The following CLDN14 variants were observed in gnomAD, a reference collection of about 807,000 sequenced individuals.
CLDN14 encodes claudin-14.
CLDN14 carries 2 observed loss-of-function variants against 2.1 expected under a neutral mutation model. The observed-to-expected ratio is 0.96, with a 90% CI of 0.39 to 3.01. The LOEUF (loss-of-function observed/expected upper bound fraction) is 3.01, where lower values mean the gene tolerates loss of function less well. Among genes scored for constraint, CLDN14 ranks in the 30% most tolerant of loss-of-function variants. The pLI is 0.09. For synonymous variants in CLDN14, 136 were observed against 154.4 expected (o/e 0.88, Z 0.88); for missense variants, 298 against 328.0 (o/e 0.91, Z 0.71).
chr21:36,516,566 T>G (rs2087230429), intron 1 of CLDN14, among the ~76,000 whole-genome samples: 1 of 152,238 alleles, frequency 6.6e-6, no homozygotes, highest in Admixed American at 6.5e-5. Flanking sequence ...AATCTGAACT[T>G]GTGAAATAAA....
chr21:36,521,658 T>A (rs753176643), intron 1 of CLDN14, among the ~76,000 whole-genome samples: 14 of 152,150 alleles, frequency 9.2e-5, no homozygotes, highest in Non-Finnish European at 1.9e-4. Flanking sequence ...GTCTTGGGAA[T>A]GACAGAGTGA....
chr21:36,537,806 CG>C (rs890405910), intron 1 of CLDN14, among the ~76,000 whole-genome samples: 5 of 152,038 alleles, frequency 3.3e-5, no homozygotes, highest in Admixed American at 1.3e-4. Flanking sequence ...CGTGCCTCCA[CG>C]CCTGACTAAT....
chr21:36,486,378 G>A, intron 2 of CLDN14: 1 of 967,006 alleles, frequency 1.0e-6, no homozygotes, highest in Non-Finnish European at 1.7e-6. Context: ...CTCAGCAGCA[G>A]AGGCTGCAGC....
intron 1 of CLDN14, chr21:36,510,598 G>T (rs2087177496): frequency 6.6e-6 from 1 of 152,288 alleles, no homozygotes; most frequent in African/African-American, 2.4e-5. Context: ...GGCCCTGCCT[G>T]TGCCTGTTTC....
At chr21:36,571,648 C>T (rs781005035) in intron 1 of CLDN14, among the ~76,000 whole-genome samples, 6 of 152,114 alleles carry the variant, frequency 3.9e-5, no homozygotes, top group Non-Finnish European at 4.4e-5. Flanking sequence ...TTCAAACCCA[C>T]CCATAAACTG....
rs2087503670 is a variant in CLDN14 at position 36,543,151 on chromosome 21, G to A, written c.-219-32651C>T. 3.3e-5 allele frequency among the ~76,000 whole-genome samples: 5 copies of A among 152,316 alleles called. No homozygotes were observed. The Middle Eastern group carries it at 0.014, about 414-fold the overall frequency. ...GAGGGACTCAACTGCTGGGGCAGGG[G>A]CTGCCCTCTGGGGTAGAGGGACCCC... On this transcript the variant is annotated intron_variant, in intron 1 of 2. Coordinates refer to the CLDN14 transcript ENST00000342108.
At chr21:36,503,333 C>T (rs957465635) in intron 2 of CLDN14, among the ~76,000 whole-genome samples, 3 of 152,206 alleles carry the variant, frequency 2.0e-5, no homozygotes, top group African/African-American at 7.2e-5. Flanking sequence ...GGATTACAGG[C>T]ATGAGCCACT....
At chr21:36,530,111 G>T (rs2087367683) in intron 1 of CLDN14, among the ~76,000 whole-genome samples, 1 of 152,192 alleles carries the variant, frequency 6.6e-6, no homozygotes, top group African/African-American at 2.4e-5. Context: ...GCCGGGAAGG[G>T]ATGTGGATAT....
At position 36,461,745 on chromosome 21, in the gene CLDN14, G is replaced by T; in HGVS notation, c.-50C>A. ...CCGGGCAGCTCCCTGGGCCCTCGGGGTCACGCCGCTCCTCAGGTGCCAGCC... is the reference window on the plus strand; with the variant it reads ...CCGGGCAGCTCCCTGGGCCCTCGGGTTCACGCCGCTCCTCAGGTGCCAGCC... On this transcript the variant is annotated 5_prime_UTR_variant, in exon 2 of 2. Transcript: ENST00000399135. 3.9e-6 allele frequency: 6 copies of T among 1,538,916 alleles called. No homozygotes were observed. The African/African-American group carries it at 6.8e-5, about 18-fold the overall frequency.
At chr21:36,547,529 C>CG (rs891050169) in intron 1 of CLDN14, among the ~76,000 whole-genome samples, 1 of 152,174 alleles carries the variant, frequency 6.6e-6, no homozygotes, top group African/African-American at 2.4e-5. Flanking sequence ...CAGCAGCGCC[C>CG]GGGCCATTAA....
At chr21:36,485,832 G>T (rs1247758903) in intron 2 of CLDN14, 5 of 475,714 alleles carry the variant, frequency 1.1e-5, no homozygotes, top group African/African-American at 7.9e-5. Context: ...AAACCTGATG[G>T]GAAATGAGAG....
chr21:36,553,261 GA>G (rs1355300346), intron 1 of CLDN14, among the ~76,000 whole-genome samples: 1 of 152,142 alleles, frequency 6.6e-6, no homozygotes, highest in Non-Finnish European at 1.5e-5. Flanking sequence ...GCCTTCAGTG[GA>G]CCCTTGGTTT....
intron 1 of CLDN14, among the ~76,000 whole-genome samples, chr21:36,543,444 T>C (rs529256607): frequency 6.6e-5 from 10 of 152,308 alleles, no homozygotes; most frequent in Admixed American, 5.9e-4. Context: ...AAGAGAGTGA[T>C]AGGGAAGTTT....
chr21:36,515,863 T>G (rs2087225394), intron 1 of CLDN14, among the ~76,000 whole-genome samples: 1 of 147,794 alleles, frequency 6.8e-6, no homozygotes, highest in Non-Finnish European at 1.5e-5. Context: ...CTTGGCTCAC[T>G]GCAACCTCCG....
intron 1 of CLDN14, among the ~76,000 whole-genome samples, chr21:36,519,546 C>T (rs2075232651): frequency 6.6e-6 from 1 of 152,118 alleles, no homozygotes; most frequent in Non-Finnish European, 1.5e-5. Context: ...CTCATCTCTA[C>T]TAAAAATACA....
intron 1 of CLDN14, among the ~76,000 whole-genome samples, chr21:36,570,342 C>T (rs917641350): frequency 3.9e-5 from 6 of 152,162 alleles, no homozygotes; most frequent in Non-Finnish European, 8.8e-5. Context: ...TAATGCTGGT[C>T]AGCTTTTCCT....
At chr21:36,486,915 C>G in intron 2 of CLDN14, 2 of 607,266 alleles carry the variant, frequency 3.3e-6, no homozygotes, top group Non-Finnish European at 6.2e-6. Flanking sequence ...TGAGTGTGGT[C>G]AGCACTTCAC....
At chr21:36,503,191 T>G (rs143475288) in intron 2 of CLDN14, among the ~76,000 whole-genome samples, 53 of 152,316 alleles carry the variant, frequency 3.5e-4, no homozygotes, top group East Asian at 2.3e-3. Flanking sequence ...GTAGCTGAGA[T>G]GACAGGTGTG....
intron 2 of CLDN14, among the ~76,000 whole-genome samples, chr21:36,503,775 C>A (rs2087108308): frequency 6.6e-6 from 1 of 151,988 alleles, no homozygotes; most frequent in East Asian, 1.9e-4. Flanking sequence ...CTACATTATG[C>A]ATTACAATAA....
Sources: allele counts gnomAD v4.1 joint callset (sites outside exome capture counted in the v4.1 genomes callset), GRCh38; gene constraint gnomAD v4.1.1; transcripts MANE v1.5; gene names NCBI Gene and HGNC (gene_info 2026-07-23, HGNC 2026-07-21).